GRIP1: variants seen among roughly 807,000 people sequenced by gnomAD.
GRIP1 encodes the protein glutamate receptor-interacting protein 1.
GRIP1 carries 45 observed loss-of-function variants against 129.9 expected under a neutral mutation model. The ratio of observed to expected loss-of-function variants is 0.35; its 90% confidence interval spans 0.27 to 0.44. GRIP1 has a LOEUF of 0.44. Among genes scored for constraint, GRIP1 ranks in the 20% least tolerant of loss-of-function variants. The pLI is 1.00. For synonymous variants in GRIP1, 530 were observed against 520.8 expected (o/e 1.02, Z -0.24); for missense variants, 1,196 against 1,396.8 (o/e 0.86, Z 2.29).
At chr12:66,930,508 G>C (rs895609243) in intron 1 of GRIP1, among the ~76,000 whole-genome samples, 1 of 150,926 alleles carries the variant, frequency 6.6e-6, no homozygotes, top group African/African-American at 2.4e-5. Context: ...GTCTATCATT[G>C]TTGGACATTT....
In GRIP1 at chr12:66,529,348, C is replaced by G. The variant is rs181720945; in HGVS notation, c.502+483G>C. 7.2e-4 allele frequency among the ~76,000 whole-genome samples: 109 copies of G among 152,294 alleles called. 2 individuals carry two copies. The highest frequency in any genetic ancestry group is 3.4e-3 in the Middle Eastern group (1 of 294). Reference sequence around the variant, plus strand: ...AAAGATACTTGCACATGCATATTTACAGCAGCACGATTTGCAATTGCAAAA... The same window carrying G: ...AAAGATACTTGCACATGCATATTTAGAGCAGCACGATTTGCAATTGCAAAA... On this transcript the variant is annotated intron_variant, in intron 5 of 24. Transcript: ENST00000359742.
intron 1 of GRIP1, among the ~76,000 whole-genome samples, chr12:66,714,997 T>C (rs182498018): frequency 6.6e-6 from 1 of 152,108 alleles, no homozygotes; most frequent in East Asian, 1.9e-4. Flanking sequence ...CAAGGTTCTA[T>C]AAATTGTACT....
chr12:67,012,797 A>G (rs925868821), intron 1 of GRIP1, among the ~76,000 whole-genome samples: 4 of 152,176 alleles, frequency 2.6e-5, no homozygotes, highest in Admixed American at 2.6e-4. Context: ...AAATTTTCTA[A>G]CATGCCCCTA....
chr12:66,714,211 CT>C (rs561233010), intron 1 of GRIP1, among the ~76,000 whole-genome samples: 2 of 152,000 alleles, frequency 1.3e-5, no homozygotes, highest in African/African-American at 4.8e-5. Context: ...CTACTGAGGA[CT>C]TTTTTTAGAA....
intron 1 of GRIP1, among the ~76,000 whole-genome samples, chr12:66,923,843 A>T (rs1182502751): frequency 1.4e-5 from 2 of 147,612 alleles, no homozygotes; most frequent in African/African-American, 5.0e-5. Flanking sequence ...ATTTTTCAGC[A>T]TTTTTTTTTT....
At chr12:66,424,132 C>T (rs772445419) in intron 14 of GRIP1, among the ~76,000 whole-genome samples, 1 of 152,144 alleles carries the variant, frequency 6.6e-6, no homozygotes, top group Non-Finnish European at 1.5e-5. Flanking sequence ...AATTCATCGT[C>T]GTCATGTGTG....
intron 1 of GRIP1, among the ~76,000 whole-genome samples, chr12:66,618,450 A>T (rs2065134768): frequency 6.6e-6 from 1 of 152,080 alleles, no homozygotes; most frequent in African/African-American, 2.4e-5. Context: ...GAATCTTTTC[A>T]CCATATATCT....
chr12:66,806,395 T>C (rs1470531689), upstream of GRIP1, among the ~76,000 whole-genome samples: 1 of 152,212 alleles, frequency 6.6e-6, no homozygotes, highest in Admixed American at 6.5e-5. Context: ...TCATTTTTAA[T>C]GGACCAAACA....
At chr12:66,863,164 A>T (rs2040142180) in intron 1 of GRIP1, among the ~76,000 whole-genome samples, 1 of 152,230 alleles carries the variant, frequency 6.6e-6, no homozygotes. Context: ...ATTACTTACG[A>T]TTCCCCAAAG....
At chr12:66,958,346 T>C (rs1366447676) in intron 1 of GRIP1, among the ~76,000 whole-genome samples, 1 of 152,142 alleles carries the variant, frequency 6.6e-6, no homozygotes, top group Non-Finnish European at 1.5e-5. Flanking sequence ...TGGGCCAGGC[T>C]GGTCTTGAAC....
chr12:66,376,869 T>C, intron 22 of GRIP1, 148 bp downstream of exon 22: 1 of 769,628 alleles, frequency 1.3e-6, no homozygotes, highest in South Asian at 1.4e-5. Context: ...CAGGGAGCAA[T>C]GGCAGAAGCC....
At chr12:66,861,017 G>A (rs369445833) in intron 1 of GRIP1, among the ~76,000 whole-genome samples, 8 of 152,044 alleles carry the variant, frequency 5.3e-5, no homozygotes, top group African/African-American at 1.9e-4. Flanking sequence ...TAATATCAGT[G>A]TGGAGACTAT....
intron 7 of GRIP1, among the ~76,000 whole-genome samples, chr12:66,484,888 T>C (rs560695118): frequency 5.1e-4 from 77 of 152,324 alleles, no homozygotes; most frequent in Non-Finnish European, 9.0e-4. Flanking sequence ...ATATCCCTAT[T>C]ACTCTGAGTT....
chr12:66,923,875 G>A (rs556245488), intron 1 of GRIP1, among the ~76,000 whole-genome samples: 6 of 151,750 alleles, frequency 4.0e-5, no homozygotes, highest in East Asian at 1.9e-4. Flanking sequence ...ATGGAGTTTC[G>A]CTCTTGTTGT....
intron 1 of GRIP1, among the ~76,000 whole-genome samples, chr12:67,001,939 T>C (rs1319505485): frequency 2.0e-5 from 3 of 151,996 alleles, no homozygotes; most frequent in Admixed American, 1.3e-4. Flanking sequence ...CATTTATACA[T>C]TGTTCCACCC....
chr12:67,037,634 C>T (rs1273137666), intron 1 of GRIP1: 1 of 152,000 alleles, frequency 6.6e-6, no homozygotes, highest in East Asian at 1.9e-4. Context: ...CAAGCAAAAA[C>T]AGTTAAATTA....
At chr12:66,556,982 A>G (rs1387104258) in intron 2 of GRIP1, among the ~76,000 whole-genome samples, 1 of 152,134 alleles carries the variant, frequency 6.6e-6, no homozygotes, top group Non-Finnish European at 1.5e-5. Context: ...TTACTTATCA[A>G]TAATAACATT....
intron 1 of GRIP1, among the ~76,000 whole-genome samples, chr12:66,869,493 G>A (rs2040259727): frequency 6.6e-6 from 1 of 152,096 alleles, no homozygotes; most frequent in Non-Finnish European, 1.5e-5. Context: ...GAGTTAACAT[G>A]TCTCTGTTGC....
intron 1 of GRIP1, among the ~76,000 whole-genome samples, chr12:66,834,093 G>A (rs1440039508): frequency 5.0e-5 from 7 of 140,692 alleles, no homozygotes; most frequent in African/African-American, 1.1e-4. Flanking sequence ...AAGGAGAATC[G>A]TTTGAACATG....
Sources: gnomAD v4.1 joint callset for allele counts (sites outside exome capture counted in the v4.1 genomes callset) on GRCh38, gnomAD v4.1.1 for gene constraint, MANE v1.5 for transcripts, NCBI Gene and HGNC (gene_info 2026-07-23, HGNC 2026-07-21) for gene names.